The following RYR3 variants were observed in gnomAD, a reference collection of about 807,000 sequenced individuals.
The protein encoded by RYR3 is brain ryanodine receptor-calcium release channel.
In RYR3, 207 loss-of-function variants were observed where a neutral mutation model predicts 584.3. That is an observed-to-expected ratio of 0.35 (90% CI 0.32 to 0.40). The LOEUF is 0.40. Among genes scored for constraint, RYR3 ranks in the 10% least tolerant of loss-of-function variants. The probability of loss-of-function intolerance (pLI) is 1.00; values close to 1 mark genes in which losing one functional copy is unlikely to be tolerated. For synonymous variants in RYR3, 2,416 were observed against 2,248.5 expected, an observed-to-expected ratio of 1.07 and a Z score of -2.11; for missense variants, 5,616 against 6,089.2, an observed-to-expected ratio of 0.92 and a Z score of 2.59.
intron 1 of RYR3, among the ~76,000 whole-genome samples, chr15:33,380,776 A>T (rs1595907720): frequency 6.6e-6 from 1 of 152,200 alleles, no homozygotes; most frequent in East Asian, 1.9e-4. Context: ...ACGTACGTAC[A>T]CTTCAGCCAA....
chr15:33,527,959 G>A (rs76913070), intron 3 of RYR3, among the ~76,000 whole-genome samples: 4,338 of 152,212 alleles, frequency 0.028, 69 homozygotes, highest in Non-Finnish European at 0.04. Flanking sequence ...AGGTGGCACC[G>A]AAAGATGCTT....
chr15:33,651,664 A>G (rs532168084), intron 31 of RYR3, among the ~76,000 whole-genome samples: 2 of 152,284 alleles, frequency 1.3e-5, no homozygotes, highest in South Asian at 4.1e-4. Context: ...ACAGTGCCAA[A>G]TGTACTATCC....
In RYR3 at chr15:33,623,871, C is replaced by G. The variant is rs1162602567; in HGVS notation, c.2422C>G (p.Pro808Ala). 1.9e-6 allele frequency: 3 copies of G among 1,613,832 alleles called. No homozygotes were observed. Among genetic ancestry groups the G allele is most frequent in the Non-Finnish European group, 2.5e-6 (3 of 1,179,790 alleles). ...GTTCCTGCCTCCCTCTGGCTATGCC[C>G]CTTGCTATGAAGCCTTACTTCCAAA... ...FKFLPPSGYA[P>A]CYEALLPKEK... Residue 808 changes from proline to alanine, a missense_variant, in exon 20 of 104, where the codon CCT becomes GCT. Pro to Ala is a conservative substitution (Grantham distance 27). This residue lies in a region of RYR3 where 1,284 missense variants were observed against 1,344.6 expected (regional missense o/e 0.95). Coordinates refer to ENST00000634891, the MANE Select transcript of RYR3 (RefSeq NM_001036.6).
At chr15:33,555,737 G>A (rs78628621) in intron 10 of RYR3, among the ~76,000 whole-genome samples, 2,300 of 152,324 alleles carry the variant, frequency 0.015, 52 homozygotes, top group African/African-American at 0.053. Flanking sequence ...AGGTGGTGGT[G>A]CAAGGGTTAA....
At chr15:33,753,644 CAAAAAT>C (rs887608019) in intron 57 of RYR3, among the ~76,000 whole-genome samples, 5 of 151,800 alleles carry the variant, frequency 3.3e-5, no homozygotes, top group East Asian at 1.9e-4. Context: ...CATCGAATGG[CAAAAAT>C]AAAAATAAAA....
intron 48 of RYR3, among the ~76,000 whole-genome samples, chr15:33,732,954 G>A (rs904726412): frequency 3.3e-5 from 5 of 152,302 alleles, no homozygotes; most frequent in Admixed American, 2.6e-4. Flanking sequence ...ACTATGCATT[G>A]GGGAGCTAGG....
chr15:33,844,773 C>T (rs2078607503), intron 92 of RYR3, 89 bp from the exon 93 acceptor site: 1 of 1,165,156 alleles, frequency 8.6e-7, no homozygotes, highest in Non-Finnish European at 1.2e-6. Context: ...ATTTGTATAG[C>T]ACATGCTAAC....
At chr15:33,410,759 A>G (rs1414362749) in intron 1 of RYR3, among the ~76,000 whole-genome samples, 2 of 152,236 alleles carry the variant, frequency 1.3e-5, no homozygotes, top group Non-Finnish European at 2.9e-5. Flanking sequence ...ACGCTGTATT[A>G]GTCTGTTCTC....
intron 64 of RYR3, among the ~76,000 whole-genome samples, chr15:33,775,352 T>G (rs973854397): frequency 6.6e-6 from 1 of 152,180 alleles, no homozygotes; most frequent in Non-Finnish European, 1.5e-5. Context: ...ATGTGTGTGC[T>G]TGTGTGTTTT....
chr15:33,717,314 A>G (rs1114989), intron 43 of RYR3, among the ~76,000 whole-genome samples: 1 of 152,118 alleles, frequency 6.6e-6, no homozygotes, highest in African/African-American at 2.4e-5. Flanking sequence ...AATTTTGTAC[A>G]TCTTAAAGCT....
chr15:33,337,019 T>C (rs1180163783), intron 1 of RYR3, among the ~76,000 whole-genome samples: 1 of 120,570 alleles, frequency 8.3e-6, no homozygotes, highest in East Asian at 2.8e-4. Context: ...ATAGTGCCGC[T>C]GCACTCCAGC....
chr15:33,438,843 A>G (rs982384278), intron 1 of RYR3, among the ~76,000 whole-genome samples: 2 of 152,146 alleles, frequency 1.3e-5, no homozygotes, highest in Admixed American at 6.5e-5. Context: ...TTACATCACA[A>G]AAATACACCT....
Position 33,721,763 on chromosome 15 carries a change from CAG to C in RYR3, c.6620-949_6620-948del, listed in dbSNP as rs906423749. 5.3e-5 allele frequency among the ~76,000 whole-genome samples: 8 copies of C among 152,178 alleles called. No individual in the cohort carries two copies. The South Asian group carries it at 1.2e-3, about 24-fold the overall frequency. ...ATACAAATTAGGATTTCATCTGAGACAGAGTTTTTTTTTTATTAAGTTGTTCG... is the reference window on the plus strand; with the variant it reads ...ATACAAATTAGGATTTCATCTGAGACAGTTTTTTTTTTATTAAGTTGTTCG... On this transcript the variant is annotated intron_variant, in intron 43 of 103. Transcript: ENST00000634891.
At chr15:33,534,731 G>T (rs1404427544) in intron 5 of RYR3, among the ~76,000 whole-genome samples, 2 of 152,190 alleles carry the variant, frequency 1.3e-5, no homozygotes, top group African/African-American at 2.4e-5. Context: ...GGAGTTGAAA[G>T]GAGGCACATT....
At chr15:33,418,574 T>G (rs2043998114) in intron 1 of RYR3, among the ~76,000 whole-genome samples, 2 of 152,102 alleles carry the variant, frequency 1.3e-5, no homozygotes, top group East Asian at 3.9e-4. Context: ...CCTGGAAGGG[T>G]AGTTGGAGAA....
chr15:33,532,039 T>C (rs981868682), intron 4 of RYR3, among the ~76,000 whole-genome samples: 1 of 152,186 alleles, frequency 6.6e-6, no homozygotes, highest in Non-Finnish European at 1.5e-5. Flanking sequence ...AGTGAACATA[T>C]ACTCTCTACT....
At chr15:33,326,144 T>C (rs1969672921) in intron 1 of RYR3, among the ~76,000 whole-genome samples, 1 of 152,178 alleles carries the variant, frequency 6.6e-6, no homozygotes, top group African/African-American at 2.4e-5. Context: ...TCTTTGTTTT[T>C]TGTTTTCCCC....
Position 33,406,031 on chromosome 15 carries a change from C to G in RYR3, c.52-67388C>G, listed in dbSNP as rs912836109. 3.9e-5 allele frequency among the ~76,000 whole-genome samples: 6 copies of G among 152,152 alleles called. 1 individual carries two copies. In the South Asian group the frequency reaches 6.2e-4, roughly 16 times the overall value. On this transcript the variant is annotated intron_variant, in intron 1 of 103. Transcript: ENST00000634891. ...GGCTCTGCTTAGTTTATGCGCCTAC[C>G]CTTGAACCAAGCAGTGTACCCAGGA...
chr15:33,701,592 A>G (rs1309457495), intron 42 of RYR3, among the ~76,000 whole-genome samples: 1 of 151,574 alleles, frequency 6.6e-6, no homozygotes, highest in East Asian at 1.9e-4. Context: ...CCTTGACCGG[A>G]GGGCTGACAG....
Sources: gnomAD v4.1 joint callset for allele counts (sites outside exome capture counted in the v4.1 genomes callset) on GRCh38, gnomAD v4.1.1 for gene constraint, gnomAD v4.1.1 regional missense constraint, MANE v1.5 for transcripts, NCBI Gene and HGNC (gene_info 2026-07-23, HGNC 2026-07-21) for gene names.